The following PCBP3 variants were observed in gnomAD, a reference collection of about 807,000 sequenced individuals.
The protein encoded by PCBP3 is poly(rC) binding protein 3.
PCBP3 carries 25 observed loss-of-function variants against 52.7 expected under a neutral mutation model. That is an observed-to-expected ratio of 0.47 (90% CI 0.35 to 0.66). The LOEUF is 0.66. Among genes scored for constraint, PCBP3 ranks in the 30% least tolerant of loss-of-function variants. The pLI is 0.01. For synonymous variants in PCBP3, 162 were observed against 183.0 expected, an observed-to-expected ratio of 0.89 and a Z score of 0.93; for missense variants, 391 against 490.3, an observed-to-expected ratio of 0.80 and a Z score of 1.91.
chr21:45,772,962 T>C (rs528045570), intron 4 of PCBP3, among the ~76,000 whole-genome samples: 1 of 152,256 alleles, frequency 6.6e-6, no homozygotes, highest in African/African-American at 2.4e-5. Context: ...GTTCCCTTTA[T>C]ATTCTGGATG....
chr21:45,711,828 A>G (rs2083861859), intron 2 of PCBP3, among the ~76,000 whole-genome samples: 1 of 152,200 alleles, frequency 6.6e-6, no homozygotes. Context: ...TTGTGTTGTA[A>G]AGTTCTATGG....
At chr21:45,921,523 A>ATGGTGGCTCAGGCTGGGTG (rs1209775483) in intron 13 of PCBP3, among the ~76,000 whole-genome samples, 1 of 152,240 alleles carries the variant, frequency 6.6e-6, no homozygotes, top group African/African-American at 2.4e-5. Flanking sequence ...TGGGCTGGGC[A>ATGGTGGCTCAGGCTGGGTG]TGGTGGCTCA....
chr21:45,771,638 A>C (rs2089873912), intron 4 of PCBP3, among the ~76,000 whole-genome samples: 2 of 152,198 alleles, frequency 1.3e-5, no homozygotes, highest in Non-Finnish European at 2.9e-5. Context: ...TTTATGAAAA[A>C]TCTAGAGCTA....
chr21:45,803,391 A>G (rs970287476), intron 4 of PCBP3, among the ~76,000 whole-genome samples: 13 of 152,142 alleles, frequency 8.5e-5, no homozygotes, highest in African/African-American at 2.7e-4. Context: ...TGAAGGTGGC[A>G]TCCCCTCCTA....
intron 4 of PCBP3, among the ~76,000 whole-genome samples, chr21:45,831,842 C>G (rs2093458732): frequency 6.6e-6 from 1 of 152,158 alleles, no homozygotes; most frequent in South Asian, 2.1e-4. Context: ...TCCTGAGTAG[C>G]TGGGATTACA....
intron 4 of PCBP3, among the ~76,000 whole-genome samples, chr21:45,849,164 C>T (rs2093894818): frequency 6.6e-6 from 1 of 151,138 alleles, no homozygotes; most frequent in Non-Finnish European, 1.5e-5. Flanking sequence ...TTCCATCCTT[C>T]CTTCCCTTTT....
chr21:45,648,582 A>C (rs1446804330), intron 1 of PCBP3, among the ~76,000 whole-genome samples: 1 of 152,240 alleles, frequency 6.6e-6, no homozygotes, highest in Non-Finnish European at 1.5e-5. Flanking sequence ...GTGGTGTCAC[A>C]GGCTAGGCCC....
intron 4 of PCBP3, among the ~76,000 whole-genome samples, chr21:45,756,255 C>T (rs1439726946): frequency 6.6e-6 from 1 of 152,210 alleles, no homozygotes; most frequent in African/African-American, 2.4e-5. Flanking sequence ...GTGCTGGCAT[C>T]TGTCTGGACT....
At chr21:45,751,922 T>G (rs767867883) in intron 3 of PCBP3, among the ~76,000 whole-genome samples, 1 of 152,214 alleles carries the variant, frequency 6.6e-6, no homozygotes, top group African/African-American at 2.4e-5. Flanking sequence ...AGGACATTTT[T>G]TATGTCTCTT....
chr21:45,853,563 T>C lies in PCBP3; in HGVS notation c.10+3468T>C, dbSNP rs1603450858. On this transcript the variant is annotated intron_variant, in intron 5 of 17. Transcript: ENST00000681687. This position sits in a 1 kb window ranked among gnomAD's most constrained non-coding sequence, Gnocchi z 4.6. ...TTTCAATACCCTCTGCAGGTTTCCA[T>C]TGGTTACTTGGTGTACACCCCTGTG... 6.6e-6 allele frequency among the ~76,000 whole-genome samples: 1 copy of C among 152,276 alleles called. No individual in the cohort carries two copies. The highest frequency in any genetic ancestry group is 3.4e-3 in the Middle Eastern group (1 of 294).
At chr21:45,851,919 C>A (rs79307392) in intron 5 of PCBP3, among the ~76,000 whole-genome samples, 2,876 of 152,290 alleles carry the variant, frequency 0.019, 97 homozygotes, top group African/African-American at 0.066. Context: ...CTAACTTACA[C>A]AGATTGTTTC....
chr21:45,660,280 T>C (rs2080301315), intron 1 of PCBP3, among the ~76,000 whole-genome samples: 1 of 152,176 alleles, frequency 6.6e-6, no homozygotes, highest in African/African-American at 2.4e-5. Flanking sequence ...GATGTTAATA[T>C]AGCCATTCAA....
At chr21:45,681,155 C>T (rs1170776110) in intron 2 of PCBP3, among the ~76,000 whole-genome samples, 1 of 152,158 alleles carries the variant, frequency 6.6e-6, no homozygotes, top group Non-Finnish European at 1.5e-5. Flanking sequence ...CCAGAAGGTG[C>T]CACTCTTAAC....
rs777406037 is a variant in PCBP3 at position 45,930,010 on chromosome 21, C to G, written c.796+15C>G. On this transcript the variant is annotated intron_variant, in intron 14 of 17. Coordinates refer to ENST00000681687, the MANE Select transcript of PCBP3 (RefSeq NM_001384156.1). ...CGCTTTCCCCGGTACGTACCCAGCC[C>G]TTTTCTCACCTCCTTCTCTTCTCAC... The G allele has an allele frequency of 8.3e-6, 13 of 1,571,984 alleles. No homozygotes were observed. In the Admixed American group the frequency reaches 2.0e-4, roughly 24 times the overall value.
Position 45,941,686 on chromosome 21 carries a change from A to G in PCBP3, c.1096A>G (p.Thr366Ala). Residue 366 changes from threonine (T) to alanine (A), a missense_variant, in exon 18 of 18, where the codon ACC becomes GCC. Coordinates refer to ENST00000681687, the MANE Select transcript of PCBP3 (RefSeq NM_001384156.1). ...LINARLTSEVTGMGTL is the reference protein window; with the variant it reads ...LINARLTSEVAGMGTL ...CTGTTCCAGGCTGACGTCCGAGGTCACCGGGATGGGCACGCTGTAATCCTA... is the reference window on the plus strand; with the variant it reads ...CTGTTCCAGGCTGACGTCCGAGGTCGCCGGGATGGGCACGCTGTAATCCTA... 6.2e-7 allele frequency: 1 copy of G among 1,606,270 alleles called. No individual in the cohort carries two copies.
At chr21:45,675,212 G>A (rs1473145425) in intron 2 of PCBP3, among the ~76,000 whole-genome samples, 1 of 152,214 alleles carries the variant, frequency 6.6e-6, no homozygotes, top group African/African-American at 2.4e-5. Context: ...GGGCAGTGGG[G>A]TGGAGGTCAG....
chr21:45,670,723 C>T (rs907166034), intron 2 of PCBP3, among the ~76,000 whole-genome samples: 1 of 152,152 alleles, frequency 6.6e-6, no homozygotes, highest in Non-Finnish European at 1.5e-5. Context: ...CTGATTCATG[C>T]TTTTACTCTG....
At chr21:45,939,655 G>A (rs1386850573) in intron 16 of PCBP3, among the ~76,000 whole-genome samples, 1 of 152,254 alleles carries the variant, frequency 6.6e-6, no homozygotes, top group Non-Finnish European at 1.5e-5. Flanking sequence ...GGCCATGGTG[G>A]AGCCTCCCTG....
rs2083382671 is a variant in PCBP3, at chr21:45,705,365, G to A, written c.-199-30027G>A. On this transcript the variant is annotated intron_variant, in intron 2 of 17. Transcript: ENST00000681687. ...TGAGGTCACAGTAGGACCCAGACTG[G>A]AGATGTGGGCACAGTGGGTAAGTGA... Among the ~76,000 whole-genome samples, 4 of 152,346 alleles carry A rather than the reference G, an allele frequency of 2.6e-5. 1 individual carries two copies. In the South Asian group the frequency reaches 8.3e-4, roughly 32 times the overall value.
Sources: gnomAD v4.1 joint callset for allele counts (sites outside exome capture counted in the v4.1 genomes callset) on GRCh38, gnomAD v4.1.1 for gene constraint, Gnocchi (gnomAD v3.1) non-coding constraint, MANE v1.5 for transcripts, NCBI Gene and HGNC (gene_info 2026-07-23, HGNC 2026-07-21) for gene names.